Variants in ANO3 observed in about 807,000 individuals in gnomAD.
ANO3 encodes anoctamin 3.
In ANO3, 99 loss-of-function variants were observed where a neutral mutation model predicts 144.8. That is an observed-to-expected ratio of 0.68 (90% CI 0.58 to 0.81). The LOEUF (loss-of-function observed/expected upper bound fraction) is 0.81. ANO3 is among the 30% of genes least tolerant of loss of function. ANO3 has a pLI of 0.00. For missense variants in ANO3, 905 were observed against 1,202.2 expected (o/e 0.75, Z 3.66); for synonymous variants, 414 against 392.6 (o/e 1.05, Z -0.64).
chr11:26,287,403 CA>C (rs959403339), intron 1 of ANO3: 2 of 152,128 alleles, frequency 1.3e-5, no homozygotes, highest in Non-Finnish European at 2.9e-5. Context: ...CCCAGTAAAG[CA>C]GATGACAATA....
At chr11:26,284,026 G>A (rs80028808) in intron 1 of ANO3, among the ~76,000 whole-genome samples, 2,088 of 152,276 alleles carry the variant, frequency 0.014, 40 homozygotes, top group African/African-American at 0.048. Context: ...GCTGGGGCGG[G>A]TGTGTAGGTG....
chr11:26,546,737 C>G (rs192982926), intron 11 of ANO3, among the ~76,000 whole-genome samples: 1 of 152,014 alleles, frequency 6.6e-6, no homozygotes, highest in Non-Finnish European at 1.5e-5. Context: ...AACGCATTAA[C>G]TCTCTTAGCA....
chr11:26,565,153 A>T, intron 14 of ANO3: 4 of 1,495,860 alleles, frequency 2.7e-6, no homozygotes, highest in Non-Finnish European at 3.6e-6. Context: ...AGTTAAAATC[A>T]TTTATATTTA....
intron 17 of ANO3, among the ~76,000 whole-genome samples, chr11:26,610,396 A>C (rs977858984): frequency 2.1e-5 from 3 of 144,918 alleles, no homozygotes; most frequent in Non-Finnish European, 3.0e-5. Context: ...TTTTCTAATC[A>C]GGTTATTTGT....
At chr11:26,411,689 A>G (rs1857437681) in intron 1 of ANO3, among the ~76,000 whole-genome samples, 1 of 151,658 alleles carries the variant, frequency 6.6e-6, no homozygotes, top group African/African-American at 2.4e-5. Flanking sequence ...CCGTGAGATA[A>G]GTATGGCAAT....
intron 14 of ANO3, among the ~76,000 whole-genome samples, chr11:26,593,561 A>G (rs1230885315): frequency 1.3e-5 from 2 of 152,130 alleles, no homozygotes; most frequent in African/African-American, 2.4e-5. Flanking sequence ...GGGTGATGGC[A>G]TGGGCTGGCG....
chr11:26,505,708 C>G (rs1486647173), intron 4 of ANO3, among the ~76,000 whole-genome samples: 1 of 152,084 alleles, frequency 6.6e-6, no homozygotes, highest in Non-Finnish European at 1.5e-5. Flanking sequence ...CGCAGTGGCT[C>G]ACACCTGTGA....
chr11:26,245,885 G>T (rs549596301), intron 1 of ANO3, among the ~76,000 whole-genome samples: 1 of 152,316 alleles, frequency 6.6e-6, no homozygotes, highest in Admixed American at 6.5e-5. Flanking sequence ...GTCCTGCAGA[G>T]CAGGCAACGG....
chr11:26,628,517 T>TA (rs1203905671), intron 18 of ANO3, among the ~76,000 whole-genome samples: 1 of 152,188 alleles, frequency 6.6e-6, no homozygotes, highest in Non-Finnish European at 1.5e-5. Flanking sequence ...TCCTCTGAGT[T>TA]AAAAACCAAT....
chr11:26,614,943 G>A (rs760896277), intron 17 of ANO3, among the ~76,000 whole-genome samples: 1 of 151,932 alleles, frequency 6.6e-6, no homozygotes, highest in Non-Finnish European at 1.5e-5. Context: ...GGGGAGGGAC[G>A]AGTGCCAGGT....
At chr11:26,503,671 T>A (rs985672065) in intron 4 of ANO3, among the ~76,000 whole-genome samples, 1 of 152,096 alleles carries the variant, frequency 6.6e-6, no homozygotes, top group Non-Finnish European at 1.5e-5. Flanking sequence ...ATTTAGTAAG[T>A]TTGTGAACTT....
chr11:26,553,624 C>G (rs1187682786), intron 13 of ANO3, among the ~76,000 whole-genome samples: 1 of 152,102 alleles, frequency 6.6e-6, no homozygotes, highest in Non-Finnish European at 1.5e-5. Context: ...TTCTTTTTAG[C>G]AAACAATTAC....
chr11:26,292,746 C>G (rs941103924), intron 1 of ANO3, among the ~76,000 whole-genome samples: 2 of 152,200 alleles, frequency 1.3e-5, no homozygotes, highest in Non-Finnish European at 2.9e-5. Context: ...GGCTGCAGAA[C>G]AGCAAATATT....
At chr11:26,246,222 A>T (rs540989525) in intron 1 of ANO3, among the ~76,000 whole-genome samples, 13 of 152,180 alleles carry the variant, frequency 8.5e-5, no homozygotes, top group African/African-American at 3.1e-4. Context: ...GTGAATTTTT[A>T]GGGTTAATTT....
At chr11:26,403,015 G>A (rs1017515503) in intron 1 of ANO3, among the ~76,000 whole-genome samples, 8 of 151,602 alleles carry the variant, frequency 5.3e-5, no homozygotes, top group African/African-American at 7.3e-5. Context: ...CTCACATTTC[G>A]TCTCTTACAA....
intron 1 of ANO3, among the ~76,000 whole-genome samples, chr11:26,421,883 T>G (rs1423506616): frequency 6.6e-6 from 1 of 152,040 alleles, no homozygotes; most frequent in Non-Finnish European, 1.5e-5. Flanking sequence ...CTTTTATAAG[T>G]GCAAGCTAAA....
At chr11:26,358,125 T>C (rs1855830315) in intron 1 of ANO3, among the ~76,000 whole-genome samples, 1 of 152,018 alleles carries the variant, frequency 6.6e-6, no homozygotes, top group Non-Finnish European at 1.5e-5. Flanking sequence ...AATGTCTTTT[T>C]AGCTATTCTG....
intron 1 of ANO3, among the ~76,000 whole-genome samples, chr11:26,418,193 A>T (rs1232557059): frequency 6.6e-6 from 1 of 152,126 alleles, no homozygotes; most frequent in Non-Finnish European, 1.5e-5. Context: ...ACAAATGTTA[A>T]TAATAGGCTA....
intron 3 of ANO3, among the ~76,000 whole-genome samples, chr11:26,444,378 GA>G (rs1342294863): frequency 1.3e-5 from 2 of 152,120 alleles, no homozygotes; most frequent in Non-Finnish European, 2.9e-5. Context: ...GAATTAAATA[GA>G]AATAAAATAA....
Sources: allele counts gnomAD v4.1 joint callset (sites outside exome capture counted in the v4.1 genomes callset), GRCh38; gene constraint gnomAD v4.1.1; transcripts MANE v1.5; gene names NCBI Gene and HGNC (gene_info 2026-07-23, HGNC 2026-07-21).